The following SGCZ variants were observed in gnomAD, a reference collection of about 807,000 sequenced individuals.
The protein encoded by SGCZ is zeta-sarcoglycan.
In SGCZ, 40 loss-of-function variants were observed where a neutral mutation model predicts 41.3. The ratio of observed to expected loss-of-function variants is 0.97; its 90% CI spans 0.75 to 1.26. The LOEUF (loss-of-function observed/expected upper bound fraction) is 1.26, where lower values mean the gene tolerates loss of function less well. SGCZ is among the 50% of genes most tolerant of loss of function. The pLI, the probability that SGCZ is intolerant of heterozygous loss-of-function variation, is 0.00. For synonymous variants in SGCZ, 206 were observed against 137.5 expected (o/e 1.50, Z -3.49); for missense variants, 552 against 369.8 (o/e 1.49, Z -4.04).
chr8:15,102,576 C>T (rs1411956405), intron 1 of SGCZ, among the ~76,000 whole-genome samples: 1 of 152,074 alleles, frequency 6.6e-6, no homozygotes, highest in Non-Finnish European at 1.5e-5. Flanking sequence ...GCATACCACG[C>T]TAATGCATGA....
intron 5 of SGCZ, among the ~76,000 whole-genome samples, chr8:14,132,311 T>G (rs1803065859): frequency 6.6e-6 from 1 of 152,204 alleles, no homozygotes; most frequent in Admixed American, 6.5e-5. Flanking sequence ...TTGAATAAGT[T>G]TATTCCTCTT....
intron 2 of SGCZ, among the ~76,000 whole-genome samples, chr8:14,537,933 G>C (rs1013880433): frequency 6.6e-6 from 1 of 151,778 alleles, no homozygotes; most frequent in Non-Finnish European, 1.5e-5. Flanking sequence ...CAACTCTTTC[G>C]TTTGCTTTGC....
At chr8:15,168,650 T>C (rs1055550718) in intron 1 of SGCZ, among the ~76,000 whole-genome samples, 7 of 143,126 alleles carry the variant, frequency 4.9e-5, no homozygotes, top group Non-Finnish European at 1.1e-4. Flanking sequence ...TGTTCCCCTC[T>C]TTCTAGATGG....
chr8:15,022,824 A>G (rs1287168517), intron 1 of SGCZ, among the ~76,000 whole-genome samples: 2 of 152,220 alleles, frequency 1.3e-5, no homozygotes, highest in Non-Finnish European at 2.9e-5. Flanking sequence ...TTGACATTCA[A>G]ATAGTCTTGT....
At chr8:14,282,845 T>C (rs575909947) in intron 3 of SGCZ, among the ~76,000 whole-genome samples, 29 of 112,204 alleles carry the variant, frequency 2.6e-4, no homozygotes, top group African/African-American at 9.9e-4. Flanking sequence ...CTCTTTCAAA[T>C]ACTTTTTTTT....
chr8:15,103,218 C>T (rs562190612), intron 1 of SGCZ, among the ~76,000 whole-genome samples: 7 of 151,778 alleles, frequency 4.6e-5, no homozygotes, highest in Non-Finnish European at 8.8e-5. Context: ...CTGGCCAACA[C>T]GGTGGAACCC....
At position 15,186,707 on chromosome 8, in the gene SGCZ, G is replaced by C. The variant is rs141093468; in HGVS notation, c.39+50878C>G. Among the ~76,000 whole-genome samples the C allele has an allele frequency of 1.3e-3, 201 of 152,070 alleles. 1 individual carries two copies. In the East Asian group the frequency reaches 0.019, roughly 14 times the overall value. On this transcript the variant is annotated intron_variant, in intron 1 of 7. Coordinates refer to ENST00000382080, the MANE Select transcript of SGCZ (RefSeq NM_139167.4). Reference sequence around the variant, plus strand: ...TAAGTATTTATTGAGTGCATGAAGGGGTGTTTTACTTAATTTGAAAACTAG... The same window carrying C: ...TAAGTATTTATTGAGTGCATGAAGGCGTGTTTTACTTAATTTGAAAACTAG...
rs540515907 is a variant in SGCZ, at chr8:15,021,965, G to A, written c.39+215620C>T. Among the ~76,000 whole-genome samples, 9 of 152,210 alleles carry A rather than the reference G, an allele frequency of 5.9e-5. 1 individual carries two copies. The South Asian group carries it at 1.9e-3, about 32-fold the overall frequency. ...AAACATCCTGATGACCCAATTTTAT[G>A]GAAATAACATAAATAGAAACATAAC... On this transcript the variant is annotated intron_variant, in intron 1 of 7. Transcript: ENST00000382080.
chr8:14,545,775 A>C (rs1803608000), intron 2 of SGCZ, among the ~76,000 whole-genome samples: 2 of 152,114 alleles, frequency 1.3e-5, no homozygotes, highest in South Asian at 4.1e-4. Flanking sequence ...TCAACTAACA[A>C]GTCTCTAATT....
intron 4 of SGCZ, among the ~76,000 whole-genome samples, chr8:14,171,807 T>G (rs1300351885): frequency 1.3e-5 from 2 of 152,164 alleles, no homozygotes; most frequent in Non-Finnish European, 2.9e-5. Flanking sequence ...AAAATTATTC[T>G]ATGTTTCATC....
At chr8:14,854,244 C>T (rs1224765320) in intron 1 of SGCZ, among the ~76,000 whole-genome samples, 4 of 151,358 alleles carry the variant, frequency 2.6e-5, no homozygotes, top group Non-Finnish European at 5.9e-5. Flanking sequence ...GGGCTTTTGA[C>T]ACAGAGTTGG....
intron 1 of SGCZ, among the ~76,000 whole-genome samples, chr8:14,941,787 A>T (rs924940118): frequency 1.3e-5 from 2 of 151,682 alleles, no homozygotes; most frequent in Non-Finnish European, 2.9e-5. Context: ...ATCTCTTAAC[A>T]TATGTTACAT....
At chr8:14,541,986 T>TTTTCTTGTAAATTTGTTTAGG (rs1288382909) in intron 2 of SGCZ, among the ~76,000 whole-genome samples, 1 of 152,172 alleles carries the variant, frequency 6.6e-6, no homozygotes, top group East Asian at 1.9e-4. Context: ...CTTTTTGTTT[T>TTTTCTTGTAAATTTGTTTAGG]TTTCTTGTAA....
At chr8:14,745,926 A>G (rs1008925851) in intron 1 of SGCZ, among the ~76,000 whole-genome samples, 2 of 152,070 alleles carry the variant, frequency 1.3e-5, no homozygotes, top group Non-Finnish European at 2.9e-5. Flanking sequence ...TAAAAGACTT[A>G]TGCTTACATT....
chr8:14,609,051 A>G (rs1805845206), intron 1 of SGCZ, among the ~76,000 whole-genome samples: 1 of 152,186 alleles, frequency 6.6e-6, no homozygotes, highest in Non-Finnish European at 1.5e-5. Context: ...TGCAGAAAAA[A>G]GCAATCAAAT....
At chr8:15,236,678 T>A (rs751845010) in intron 1 of SGCZ, among the ~76,000 whole-genome samples, 5 of 55,498 alleles carry the variant, frequency 9.0e-5, no homozygotes, top group South Asian at 4.8e-4. Context: ...TAAATATATA[T>A]ATTTTTTTTT....
intron 1 of SGCZ, among the ~76,000 whole-genome samples, chr8:14,705,513 ACC>A (rs1169429567): frequency 6.6e-6 from 1 of 151,938 alleles, no homozygotes; most frequent in Non-Finnish European, 1.5e-5. Flanking sequence ...TGCATTGCAA[ACC>A]TTGTCTCCGA....
At position 15,122,295 on chromosome 8, in the gene SGCZ, C is replaced by A. The variant is rs1807511761; in HGVS notation, c.39+115290G>T. 2.6e-5 allele frequency among the ~76,000 whole-genome samples: 4 copies of A among 152,144 alleles called. No individual in the cohort carries two copies. In the South Asian group the frequency reaches 8.3e-4, roughly 32 times the overall value. On this transcript the variant is annotated intron_variant, in intron 1 of 7. Transcript: ENST00000382080. ...TGTTGAACAGGATCATAAAGCATGACAGGAATTTAGCCAAGCAAAATGGGA... is the reference window on the plus strand; with the variant it reads ...TGTTGAACAGGATCATAAAGCATGAAAGGAATTTAGCCAAGCAAAATGGGA...
chr8:14,901,761 A>T (rs1429929086), intron 1 of SGCZ, among the ~76,000 whole-genome samples: 2 of 152,192 alleles, frequency 1.3e-5, no homozygotes, highest in African/African-American at 4.8e-5. Context: ...CCTACAAATC[A>T]GACTTAACAG....
Sources: allele counts gnomAD v4.1 joint callset (sites outside exome capture counted in the v4.1 genomes callset), GRCh38; gene constraint gnomAD v4.1.1; transcripts MANE v1.5; gene names NCBI Gene and HGNC (gene_info 2026-07-23, HGNC 2026-07-21).